Variants in FRK observed in about 807,000 individuals in gnomAD.
The protein encoded by FRK is fyn related Src family tyrosine kinase.
A neutral mutation model predicts 56.4 loss-of-function variants in FRK; 51 were observed. That is an observed-to-expected ratio of 0.90 (90% CI 0.72 to 1.14). The LOEUF is 1.14. Ranked by LOEUF, FRK falls within the 50% of genes most tolerant of loss-of-function variation. FRK has a pLI of 0.00. For synonymous variants in FRK, 245 were observed against 217.9 expected, an observed-to-expected ratio of 1.12 and a Z score of -1.10; for missense variants, 570 against 601.4, an observed-to-expected ratio of 0.95 and a Z score of 0.55.
intron 2 of FRK, among the ~76,000 whole-genome samples, chr6:115,992,658 C>T (rs955670921): frequency 2.0e-5 from 3 of 151,748 alleles, no homozygotes; most frequent in Non-Finnish European, 4.4e-5. Context: ...TCTTGAGTAC[C>T]TTGCTCAAAG....
intron 1 of FRK, among the ~76,000 whole-genome samples, chr6:116,022,554 ATCAGCCGC>A (rs1192653206): frequency 6.6e-6 from 1 of 152,164 alleles, no homozygotes; most frequent in African/African-American, 2.4e-5. Flanking sequence ...AAACTATATA[ATCAGCCGC>A]TCAATAGATG....
At chr6:116,055,498 G>A (rs1407368066) in intron 1 of FRK, among the ~76,000 whole-genome samples, 1 of 152,202 alleles carries the variant, frequency 6.6e-6, no homozygotes, top group South Asian at 2.1e-4. Flanking sequence ...CCCTGCTAAA[G>A]TGCTAACAAG....
chr6:116,010,214 G>GAA (rs200851965), intron 1 of FRK, among the ~76,000 whole-genome samples: 5 of 142,808 alleles, frequency 3.5e-5, no homozygotes, highest in Admixed American at 7.0e-5. Flanking sequence ...ATTCTGTCTC[G>GAA]AAAAAAAAAA....
intron 1 of FRK, among the ~76,000 whole-genome samples, chr6:116,041,120 G>A (rs983289592): frequency 4.6e-5 from 7 of 152,140 alleles, no homozygotes; most frequent in South Asian, 4.2e-4. Context: ...CTCAACTATC[G>A]CTTCCCTGAG....
the FRK span, among the ~76,000 whole-genome samples, chr6:116,099,463 G>T: frequency 2.0e-5 from 3 of 152,210 alleles, no homozygotes; most frequent in Non-Finnish European, 4.4e-5. Flanking sequence ...ATGCTCCAGG[G>T]CCAACAAGCT....
chr6:116,087,109 C>T, the FRK span, among the ~76,000 whole-genome samples: 1 of 152,196 alleles, frequency 6.6e-6, no homozygotes, highest in Non-Finnish European at 1.5e-5. Context: ...ATAACGTCTC[C>T]TCTTTATTTT....
chr6:115,990,462 G>A (rs569446402), intron 2 of FRK, among the ~76,000 whole-genome samples: 1 of 151,228 alleles, frequency 6.6e-6, no homozygotes, highest in African/African-American at 2.4e-5. Flanking sequence ...TATTTAGAGA[G>A]AGGGGTCCAG....
At chr6:116,083,099 G>A in the FRK span, among the ~76,000 whole-genome samples, 1 of 152,292 alleles carries the variant, frequency 6.6e-6, no homozygotes, top group African/African-American at 2.4e-5. Flanking sequence ...AAGCCCAAAG[G>A]CGTTTACCAA....
chr6:115,980,604 T>C (rs1774163051), intron 2 of FRK, among the ~76,000 whole-genome samples: 1 of 152,174 alleles, frequency 6.6e-6, no homozygotes, highest in Non-Finnish European at 1.5e-5. Context: ...GTAATAAAGT[T>C]ATACTGCCTT....
In FRK at chr6:116,036,337, A is replaced by G. The variant is rs542081109; in HGVS notation, c.344+23631T>C. Among the ~76,000 whole-genome samples the G allele has an allele frequency of 1.3e-3, 200 of 152,286 alleles. 1 individual carries two copies. The highest frequency in any genetic ancestry group is 4.8e-3 in the African/African-American group (199 of 41,586). On this transcript the variant is annotated intron_variant, in intron 1 of 7. Transcript: ENST00000606080. ...GCCAATTACTTGGGTTGCCCTCAGCAAATATACTTACTTACTGCTGGATCA... is the reference window on the plus strand; with the variant it reads ...GCCAATTACTTGGGTTGCCCTCAGCGAATATACTTACTTACTGCTGGATCA...
At chr6:116,016,270 G>A (rs1202080916) in intron 1 of FRK, among the ~76,000 whole-genome samples, 5 of 152,156 alleles carry the variant, frequency 3.3e-5, no homozygotes, top group Non-Finnish European at 7.3e-5. Context: ...GGAGGCCAAA[G>A]TACAGCAGAG....
chr6:116,075,374 C>A, the FRK span, among the ~76,000 whole-genome samples: 3 of 148,772 alleles, frequency 2.0e-5, no homozygotes, highest in Non-Finnish European at 4.4e-5. Flanking sequence ...AAAAGGCTTA[C>A]GAAAATTTTG....
intron 1 of FRK, among the ~76,000 whole-genome samples, 190 bp downstream of exon 1, chr6:116,059,778 A>G (rs773981387): frequency 4.6e-5 from 7 of 152,188 alleles, no homozygotes; most frequent in Non-Finnish European, 8.8e-5. Flanking sequence ...CATCTCAACA[A>G]CAATTACTGG....
chr6:115,934,158 C>T lies in FRK; in HGVS notation c.*8256G>A, dbSNP rs753598622. The T allele has an allele frequency of 5.9e-5, 9 of 152,064 alleles. No individual in the cohort carries two copies. The highest frequency in any genetic ancestry group is 1.9e-4 in the East Asian group (1 of 5,198). 9.4% of individuals were successfully genotyped at this position (152,064 alleles called of 1,614,324 possible). A position where few individuals can be genotyped will look rare whatever the true frequency, so the allele number is the denominator to read the frequency against. Reference sequence around the variant, plus strand: ...AAATACAGAGATAGATAATTCTAACCGTTAATTCACCTCAGGGAATGTTCT... The same window carrying T: ...AAATACAGAGATAGATAATTCTAACTGTTAATTCACCTCAGGGAATGTTCT... On this transcript the variant is annotated 3_prime_UTR_variant, in exon 8 of 8. Coordinates refer to ENST00000606080, the MANE Select transcript of FRK (RefSeq NM_002031.3).
At chr6:115,953,491 A>G (rs1685678954) in intron 5 of FRK, among the ~76,000 whole-genome samples, 1 of 152,186 alleles carries the variant, frequency 6.6e-6, no homozygotes, top group South Asian at 2.1e-4. Context: ...GCCCGGCCCA[A>G]GGCCACTTTA....
intron 5 of FRK, among the ~76,000 whole-genome samples, chr6:115,948,763 T>C (rs13217772): frequency 0.17 from 26,284 of 152,256 alleles, 3,070 homozygotes; most frequent in Middle Eastern, 0.29. Context: ...TTCCATGTTT[T>C]ATCTTGATTA....
Position 115,937,596 on chromosome 6 carries a change from A to T in FRK, c.*4818T>A, listed in dbSNP as rs1772074502. 1 of 152,198 alleles carries T rather than the reference A, an allele frequency of 6.6e-6. No homozygotes were observed. The highest frequency in any genetic ancestry group is 2.4e-5 in the African/African-American group (1 of 41,454). 9.4% of individuals were successfully genotyped at this position (152,198 alleles called of 1,614,324 possible). ...GGAGACCCATCTCACATGCAAAGAG[A>T]CACACAGGCTCAAGATAAAGGGATG... is the stretch of plus-strand genomic sequence containing the variant. On this transcript the variant is annotated 3_prime_UTR_variant, in exon 8 of 8. Coordinates refer to ENST00000606080, the MANE Select transcript of FRK (RefSeq NM_002031.3).
chr6:116,054,498 C>T (rs1167924384), intron 1 of FRK, among the ~76,000 whole-genome samples: 7 of 137,204 alleles, frequency 5.1e-5, no homozygotes, highest in Non-Finnish European at 9.3e-5. Context: ...GTATATTATA[C>T]TATTATAATA....
intron 1 of FRK, among the ~76,000 whole-genome samples, chr6:116,025,457 T>C (rs1169056906): frequency 1.3e-5 from 2 of 152,222 alleles, no homozygotes; most frequent in Non-Finnish European, 2.9e-5. Flanking sequence ...ATCTACTCTG[T>C]ATTTGACTAT....
Sources: allele counts gnomAD v4.1 joint callset (sites outside exome capture counted in the v4.1 genomes callset), GRCh38; gene constraint gnomAD v4.1.1; transcripts MANE v1.5; gene names NCBI Gene and HGNC (gene_info 2026-07-23, HGNC 2026-07-21).